ARHGAP8: variants seen among roughly 807,000 people sequenced by gnomAD.
ARHGAP8 encodes Rho GTPase activating protein 8, also known as rho GTPase-activating protein 8.
In ARHGAP8, 62 loss-of-function variants were observed where a neutral mutation model predicts 46.1. The observed-to-expected ratio is 1.34, with a 90% CI of 1.10 to 1.66. The LOEUF (loss-of-function observed/expected upper bound fraction) is 1.66. Among genes scored for constraint, ARHGAP8 ranks in the 40% most tolerant of loss-of-function variants. ARHGAP8 has a pLI of 0.00. For missense variants in ARHGAP8, 923 were observed against 568.4 expected (o/e 1.62, Z -6.34); for synonymous variants, 375 against 243.1 (o/e 1.54, Z -5.05).
At position 44,807,829 on chromosome 22, in the gene ARHGAP8, T is replaced by C. The variant is rs539772419; in HGVS notation, c.168-478T>C. 1.9e-4 allele frequency among the ~76,000 whole-genome samples: 29 copies of C among 152,288 alleles called. 1 individual carries two copies. The South Asian group carries it at 5.6e-3, about 29-fold the overall frequency. On this transcript the variant is annotated intron_variant, in intron 3 of 11. Coordinates refer to ENST00000356099, the MANE Select transcript of ARHGAP8 (RefSeq NM_181335.3). ...CCTTCCAGGGCTGGTGGCCACATCA[T>C]GCTGTCGTCGACACTCTGCTTTGCC...
chr22:44,807,562 A>T (rs1929020878), intron 3 of ARHGAP8, among the ~76,000 whole-genome samples: 2 of 152,194 alleles, frequency 1.3e-5, no homozygotes, highest in South Asian at 4.1e-4. Context: ...GTTGGGGGTC[A>T]ACGGCAAGGG....
intron 5 of ARHGAP8, among the ~76,000 whole-genome samples, chr22:44,822,168 T>C (rs1434879567): frequency 6.6e-6 from 1 of 152,166 alleles, no homozygotes. Context: ...GTTTGGTGCA[T>C]TGGAGATCTC....
At chr22:44,803,753 A>G (rs1928740104) in intron 3 of ARHGAP8, among the ~76,000 whole-genome samples, 1 of 115,306 alleles carries the variant, frequency 8.7e-6, no homozygotes, top group Admixed American at 1.0e-4. Context: ...TCTCCCATGC[A>G]CACACCCCCT....
intron 5 of ARHGAP8, among the ~76,000 whole-genome samples, chr22:44,818,583 C>A (rs923164964): frequency 6.6e-6 from 1 of 152,254 alleles, no homozygotes; most frequent in Admixed American, 6.5e-5. Flanking sequence ...AAAGAGCCAA[C>A]CCCTCTCTGC....
At position 44,779,097 on chromosome 22, in the gene ARHGAP8, CT is replaced by C. The variant is rs532665716; in HGVS notation, c.-71-7340del. 3.2e-3 allele frequency among the ~76,000 whole-genome samples: 83 copies of C among 26,102 alleles called. 2 individuals carry two copies. The highest frequency in any genetic ancestry group is 6.9e-3 in the African/African-American group (46 of 6,660). The allele number at this position is 26,102 out of a possible 152,430, so 17.1% of individuals were successfully genotyped here. On this transcript the variant is annotated intron_variant, in intron 1 of 11. Coordinates refer to ENST00000356099, the MANE Select transcript of ARHGAP8 (RefSeq NM_181335.3). The stretch of plus-strand genomic sequence containing the variant: ...CAGTGACTGACTTTTTGGTCTCTGA[CT>C]TTTTTTTTTTTTTTTTTTTGAGACA...
chr22:44,781,359 C>A (rs899062080), intron 1 of ARHGAP8, among the ~76,000 whole-genome samples: 6 of 152,074 alleles, frequency 3.9e-5, no homozygotes, highest in Non-Finnish European at 8.8e-5. Flanking sequence ...GGCAGCGTGA[C>A]GGTAATGCAG....
At chr22:44,860,854 C>G (rs1437105031) in intron 11 of ARHGAP8, among the ~76,000 whole-genome samples, 1 of 152,238 alleles carries the variant, frequency 6.6e-6, no homozygotes, top group African/African-American at 2.4e-5. Context: ...GGCCTTCGCC[C>G]CAGGCTGTGC....
At chr22:44,838,183 G>T (rs892211478) in intron 7 of ARHGAP8, among the ~76,000 whole-genome samples, 7 of 150,920 alleles carry the variant, frequency 4.6e-5, no homozygotes, top group Non-Finnish European at 8.8e-5. Context: ...TGTTGCCCAG[G>T]CTGGAATGTG....
chr22:44,801,134 C>T (rs564540680), intron 2 of ARHGAP8, among the ~76,000 whole-genome samples: 33 of 36,722 alleles, frequency 9.0e-4, no homozygotes, highest in Non-Finnish European at 8.9e-4. Flanking sequence ...CGCAGCTGTC[C>T]ATGTGTGGGG....
chr22:44,856,563 C>T (rs536349000), intron 10 of ARHGAP8, among the ~76,000 whole-genome samples: 2 of 146,454 alleles, frequency 1.4e-5, no homozygotes, highest in East Asian at 2.0e-4. Flanking sequence ...CGTGAGCCAC[C>T]GCGCCCGGCC....
At chr22:44,827,852 T>C (rs1930647489) in intron 7 of ARHGAP8, among the ~76,000 whole-genome samples, 1 of 152,064 alleles carries the variant, frequency 6.6e-6, no homozygotes, top group Non-Finnish European at 1.5e-5. Flanking sequence ...TGGCTGGGCA[T>C]CTCGGGTGTA....
At chr22:44,859,294 G>A (rs1222897733) in intron 10 of ARHGAP8, among the ~76,000 whole-genome samples, 1 of 152,142 alleles carries the variant, frequency 6.6e-6, no homozygotes, top group Non-Finnish European at 1.5e-5. Context: ...CTCATGGGTT[G>A]GTGCTGTCCT....
chr22:44,806,287 G>A (rs1227086995), intron 3 of ARHGAP8, among the ~76,000 whole-genome samples: 1 of 152,174 alleles, frequency 6.6e-6, no homozygotes, highest in Non-Finnish European at 1.5e-5. Flanking sequence ...AGCCCACATG[G>A]TGTTCGAGAC....
intron 7 of ARHGAP8, among the ~76,000 whole-genome samples, chr22:44,844,007 G>A (rs2069895043): frequency 6.6e-6 from 1 of 152,184 alleles, no homozygotes; most frequent in South Asian, 2.1e-4. Context: ...GTCTTGCTCT[G>A]TCATCCACAC....
In ARHGAP8 at chr22:44,828,483, T is replaced by C. The variant is rs1569166578; in HGVS notation, c.596+2890T>C. On this transcript the variant is annotated intron_variant, in intron 7 of 11. Transcript: ENST00000356099. ...TTTTTTTTTTGAAATGGAGTCTCAC[T>C]CTGTTGCCCAGGCTGGAGTGCAGTG... Among the ~76,000 whole-genome samples the C allele has an allele frequency of 4.0e-5, 6 of 148,474 alleles. 1 individual carries two copies.
intron 11 of ARHGAP8, 47 bp from the exon 12 acceptor site, chr22:44,862,228 T>G (rs777833501): frequency 1.3e-5 from 20 of 1,541,938 alleles, no homozygotes; most frequent in Non-Finnish European, 6.1e-6. Context: ...CAGGTGCCCG[T>G]GCCCCTTGGT....
intron 2 of ARHGAP8, among the ~76,000 whole-genome samples, chr22:44,787,845 G>T (rs1927371341): frequency 6.6e-6 from 1 of 151,110 alleles, no homozygotes; most frequent in South Asian, 2.1e-4. Context: ...ACACTTTAGT[G>T]CACACTGTGT....
At chr22:44,786,256 G>A (rs995594766) in intron 1 of ARHGAP8, among the ~76,000 whole-genome samples, 14 of 146,014 alleles carry the variant, frequency 9.6e-5, no homozygotes, top group African/African-American at 2.8e-4. Context: ...GGGAGGGCGC[G>A]TACTGGGTGC....
chr22:44,774,517 GA>G (rs1447588969), intron 1 of ARHGAP8, among the ~76,000 whole-genome samples: 7 of 139,298 alleles, frequency 5.0e-5, no homozygotes, highest in African/African-American at 1.3e-4. Flanking sequence ...TTCTTTGGGA[GA>G]TTTTTTTTTT....
Sources: gnomAD v4.1 joint callset for allele counts (sites outside exome capture counted in the v4.1 genomes callset) on GRCh38, gnomAD v4.1.1 for gene constraint, MANE v1.5 for transcripts, NCBI Gene and HGNC (gene_info 2026-07-23, HGNC 2026-07-21) for gene names.